The following SCN9A variants were observed in gnomAD, a reference collection of about 807,000 sequenced individuals.
SCN9A encodes sodium voltage-gated channel alpha subunit 9, also known as sodium channel protein type 9 subunit alpha.
Under a neutral mutation model 187.0 loss-of-function variants are expected in SCN9A, and 131 were observed. The observed-to-expected ratio is 0.70, with a 90% CI of 0.61 to 0.81. The LOEUF is 0.81. Among genes scored for constraint, SCN9A ranks in the 30% least tolerant of loss-of-function variants. The pLI, the probability that SCN9A is intolerant of heterozygous loss-of-function variation, is 0.00. For synonymous variants in SCN9A, 809 were observed against 808.6 expected (o/e 1.00, Z -0.01); for missense variants, 2,252 against 2,396.6 (o/e 0.94, Z 1.26).
chr2:166,328,319 G>T (rs1245799529), intron 1 of SCN9A, among the ~76,000 whole-genome samples: 1 of 151,722 alleles, frequency 6.6e-6, no homozygotes, highest in African/African-American at 2.4e-5. Context: ...GTAAACTTGT[G>T]TCATGGGGGT....
chr2:166,348,988 C>A (rs568724063), intron 1 of SCN9A, among the ~76,000 whole-genome samples: 1 of 151,958 alleles, frequency 6.6e-6, no homozygotes, highest in Admixed American at 6.6e-5. Flanking sequence ...ATTAGCCGGG[C>A]GTGGTGGCGC....
At chr2:166,362,278 T>C (rs568347691) in intron 1 of SCN9A, among the ~76,000 whole-genome samples, 1 of 152,164 alleles carries the variant, frequency 6.6e-6, no homozygotes, top group Non-Finnish European at 1.5e-5. Flanking sequence ...CTTCCTGTGT[T>C]TCTTATTTCT....
chr2:166,233,179 A>C (rs1278114328), intron 21 of SCN9A, among the ~76,000 whole-genome samples, 161 bp downstream of exon 21: 2 of 106,552 alleles, frequency 1.9e-5, no homozygotes, highest in Non-Finnish European at 3.6e-5. Flanking sequence ...ATGCATATAT[A>C]CATATATGCA....
chr2:166,296,182 A>G (rs1055781387), intron 7 of SCN9A: 1 of 152,214 alleles, frequency 6.6e-6, no homozygotes, highest in Non-Finnish European at 1.5e-5. Context: ...TCTGTAAAAT[A>G]CGTATAAGAA....
At position 166,284,748 on chromosome 2, in the gene SCN9A, C is replaced by T; in HGVS notation, c.1679G>A (p.Arg560Lys). Residue 560 changes from arginine (R) to lysine (K), a missense_variant, in exon 12 of 27, where the codon AGA (arginine) becomes AAA (lysine). By Grantham distance (26) the Arg-to-Lys change is conservative. Transcript: ENST00000642356. Reference sequence around the variant, plus strand: ...AGTCTCAGATCCTATATCTCTTCCTCTGCCTTTGAAACTAAAAAGACTTGT... The same window carrying T: ...AGTCTCAGATCCTATATCTCTTCCTTTGCCTTTGAAACTAAAAAGACTTGT... ...SRTSLFSFKGRGRDIGSETEF... is the reference protein window; with the variant it reads ...SRTSLFSFKGKGRDIGSETEF... 1.2e-6 allele frequency: 2 copies of T among 1,613,916 alleles called. No individual in the cohort carries two copies. Among genetic ancestry groups the T allele is most frequent in the Non-Finnish European group, 1.7e-6 (2 of 1,179,878 alleles).
At chr2:166,260,444 G>A (rs774368940) in intron 17 of SCN9A, among the ~76,000 whole-genome samples, 1 of 151,870 alleles carries the variant, frequency 6.6e-6, no homozygotes, top group Non-Finnish European at 1.5e-5. Context: ...CTCCTTTCAT[G>A]TGAAGTCAGC....
intron 9 of SCN9A, among the ~76,000 whole-genome samples, chr2:166,289,431 T>G (rs4500963): frequency 0.76 from 114,719 of 151,816 alleles, 44,397 homozygotes; most frequent in African/African-American, 0.93. Flanking sequence ...AGAACATGCG[T>G]TGTTTGGTTT....
chr2:166,303,227 CA>C lies in SCN9A; in HGVS notation c.763del (p.Cys255ValfsTer2). On this transcript the variant is annotated frameshift_variant, in exon 7 of 27. Coordinates refer to ENST00000642356, the MANE Select transcript of SCN9A (RefSeq NM_001365536.1). LOFTEE classifies it high-confidence loss of function. ...TCCAATTAGTGCAAACACACTCAGA[CA>C]GAACACAGTCAGGATCATGACATCA... ...LSDVMILTVF[C>X]LSVFALIGLQ... is the part of the protein sequence containing the mutation. 1.2e-6 allele frequency: 2 copies of C among 1,613,742 alleles called. No individual in the cohort carries two copies. The highest frequency in any genetic ancestry group is 1.7e-6 in the Non-Finnish European group (2 of 1,179,760).
chr2:166,256,118 T>C (rs1696262620), intron 17 of SCN9A, among the ~76,000 whole-genome samples: 1 of 151,390 alleles, frequency 6.6e-6, no homozygotes, highest in Non-Finnish European at 1.5e-5. Context: ...TTAAATACTC[T>C]CTTCTGGTGT....
chr2:166,295,284 C>T (rs1400670291), intron 7 of SCN9A, among the ~76,000 whole-genome samples: 1 of 152,168 alleles, frequency 6.6e-6, no homozygotes, highest in African/African-American at 2.4e-5. Context: ...TCGGAATTTG[C>T]ATATCATAGA....
chr2:166,312,502 G>A (rs1304529461), intron 1 of SCN9A, among the ~76,000 whole-genome samples: 1 of 152,004 alleles, frequency 6.6e-6, no homozygotes, highest in Non-Finnish European at 1.5e-5. Flanking sequence ...TCCTATTAAT[G>A]TTTGTATATT....
At chr2:166,274,285 G>A (rs1422850065) in intron 16 of SCN9A, among the ~76,000 whole-genome samples, 5 of 151,968 alleles carry the variant, frequency 3.3e-5, no homozygotes, top group African/African-American at 4.8e-5. Context: ...TCAAAATAAA[G>A]TCCATTTGTA....
intron 18 of SCN9A, among the ~76,000 whole-genome samples, chr2:166,251,448 ACT>A (rs1232047813): frequency 6.6e-6 from 1 of 151,932 alleles, no homozygotes; most frequent in Admixed American, 6.6e-5. Flanking sequence ...CAGAGTACAG[ACT>A]CTTTCATTAA....
chr2:166,266,260 C>T (rs997938460), intron 17 of SCN9A, among the ~76,000 whole-genome samples: 2 of 151,862 alleles, frequency 1.3e-5, no homozygotes, highest in Non-Finnish European at 2.9e-5. Context: ...AGATAAAGGT[C>T]TAATTTCATT....
chr2:166,294,266 C>T (rs1452753733), intron 8 of SCN9A, among the ~76,000 whole-genome samples: 1 of 152,108 alleles, frequency 6.6e-6, no homozygotes, highest in Non-Finnish European at 1.5e-5. Flanking sequence ...GAAAAATAGA[C>T]TTTGTGACTC....
rs184439921 is a variant in SCN9A, at chr2:166,258,199, T to C, written c.3352-6314A>G. ...ATTAAAGTTCAGTCATTCAACAAAG[T>C]ATGCTAAAATTAAAATATATCTTAG... On this transcript the variant is annotated intron_variant, in intron 17 of 26. Transcript: ENST00000642356. 4.5e-4 allele frequency among the ~76,000 whole-genome samples: 68 copies of C among 151,584 alleles called. No individual in the cohort carries two copies. The East Asian group carries it at 0.013, about 28-fold the overall frequency.
Position 166,253,439 on chromosome 2 carries a change from T to A in SCN9A, c.3352-1554A>T, listed in dbSNP as rs527674258. Among the ~76,000 whole-genome samples, 334 of 151,898 alleles carry A rather than the reference T, an allele frequency of 2.2e-3. 1 individual carries two copies. The highest frequency in any genetic ancestry group is 7.6e-3 in the African/African-American group (314 of 41,516). On this transcript the variant is annotated intron_variant, in intron 17 of 26. Coordinates refer to ENST00000642356, the MANE Select transcript of SCN9A (RefSeq NM_001365536.1). Reference sequence around the variant, plus strand: ...TTGAATTCATCTAAATTAGTTTAATTTAAAATAAGATAATAGAAATTAATT... The same window carrying A: ...TTGAATTCATCTAAATTAGTTTAATATAAAATAAGATAATAGAAATTAATT...
intron 1 of SCN9A, 119 bp from the exon 2 acceptor site, chr2:166,311,925 T>C (rs774812992): frequency 3.6e-6 from 2 of 550,982 alleles, no homozygotes; most frequent in Non-Finnish European, 6.0e-6. Flanking sequence ...TAACATGTTC[T>C]AGAATTATCA....
Position 166,299,631 on chromosome 2 carries a change from T to A in SCN9A, c.901+3459A>T, listed in dbSNP as rs182003685. 1.7e-4 allele frequency among the ~76,000 whole-genome samples: 26 copies of A among 150,378 alleles called. No homozygotes were observed. In the South Asian group the frequency reaches 2.5e-3, roughly 15 times the overall value. Reference sequence around the variant, plus strand: ...GATCTTGGTACCAGATTGCTTTAAATACCAGGTTTCCCATTCTCTATCTAC... The same window carrying A: ...GATCTTGGTACCAGATTGCTTTAAAAACCAGGTTTCCCATTCTCTATCTAC... On this transcript the variant is annotated intron_variant, in intron 7 of 26. Transcript: ENST00000642356.
Sources: allele counts gnomAD v4.1 joint callset (sites outside exome capture counted in the v4.1 genomes callset), GRCh38; gene constraint gnomAD v4.1.1; transcripts MANE v1.5; gene names NCBI Gene and HGNC (gene_info 2026-07-23, HGNC 2026-07-21).